MAP1B: variants seen among roughly 807,000 people sequenced by gnomAD.
MAP1B encodes microtubule-associated protein 1B.
A neutral mutation model predicts 176.1 loss-of-function variants in MAP1B; 12 were observed. The ratio of observed to expected loss-of-function variants is 0.07; its 90% CI spans 0.04 to 0.11. The LOEUF (loss-of-function observed/expected upper bound fraction) is 0.11, where lower values mean the gene tolerates loss of function less well. MAP1B is among the 10% of genes least tolerant of loss of function. MAP1B has a pLI of 1.00. For synonymous variants in MAP1B, 1,044 were observed against 1,135.0 expected (o/e 0.92, Z 1.61); for missense variants, 2,523 against 2,990.5 (o/e 0.84, Z 3.65).
In MAP1B at chr5:72,205,505, A is replaced by G. The variant is rs977053980; in HGVS notation, c.*266A>G. ...CATCTCTGCTGAACATTTGGAAACC[A>G]TGCACTAGCCAACCCAACTGACTTC... On this transcript the variant is annotated 3_prime_UTR_variant, in exon 7 of 7. Transcript: ENST00000296755. 3 of 375,090 alleles carry G rather than the reference A, an allele frequency of 8.0e-6. No individual in the cohort carries two copies. The highest frequency in any genetic ancestry group is 1.5e-5 in the Non-Finnish European group (3 of 205,198). 23.2% of individuals were successfully genotyped at this position (375,090 alleles called of 1,614,324 possible). A position where few individuals can be genotyped will look rare whatever the true frequency, so the allele number is the denominator to read the frequency against.
At chr5:72,141,825 T>C (rs868295419) in intron 2 of MAP1B, among the ~76,000 whole-genome samples, 5 of 152,176 alleles carry the variant, frequency 3.3e-5, no homozygotes, top group African/African-American at 7.2e-5. Context: ...TTAAAAAAGA[T>C]AGAGAAAATA....
chr5:72,176,479 A>G (rs1746656659), intron 2 of MAP1B, among the ~76,000 whole-genome samples: 1 of 152,216 alleles, frequency 6.6e-6, no homozygotes, highest in Admixed American at 6.5e-5. Context: ...TCGTCCATGA[A>G]GAGAAGATAA....
chr5:72,110,306 A>G (rs1745304912), intron 1 of MAP1B, among the ~76,000 whole-genome samples: 1 of 152,182 alleles, frequency 6.6e-6, no homozygotes, highest in Non-Finnish European at 1.5e-5. Context: ...AAATGACTGT[A>G]TTGATCCCAT....
chr5:72,116,104 AAGAG>A, intron 2 of MAP1B: 1 of 331,856 alleles, frequency 3.0e-6, no homozygotes, highest in Non-Finnish European at 5.8e-6. Flanking sequence ...GGGCTTGAGA[AAGAG>A]AGAGAGAGAA....
chr5:72,187,783 T>C (rs1746940425), intron 4 of MAP1B, among the ~76,000 whole-genome samples: 1 of 152,172 alleles, frequency 6.6e-6, no homozygotes, highest in Non-Finnish European at 1.5e-5. Context: ...TTCATCTGAG[T>C]CACCTGGAGG....
chr5:72,182,839 G>A (rs1260481181), intron 2 of MAP1B, among the ~76,000 whole-genome samples: 1 of 152,102 alleles, frequency 6.6e-6, no homozygotes, highest in South Asian at 2.1e-4. Context: ...CCACTTCCCT[G>A]TCCTTAGCAG....
intron 2 of MAP1B, among the ~76,000 whole-genome samples, chr5:72,121,474 C>T (rs1745529272): frequency 6.6e-6 from 1 of 152,154 alleles, no homozygotes; most frequent in African/African-American, 2.4e-5. Flanking sequence ...GAACCGATGC[C>T]TTTTTCCTAG....
At chr5:72,151,688 G>A (rs566971736) in intron 2 of MAP1B, among the ~76,000 whole-genome samples, 2 of 152,292 alleles carry the variant, frequency 1.3e-5, no homozygotes, top group South Asian at 2.1e-4. Context: ...AAGAAAAACT[G>A]TCTCTGTGAG....
intron 2 of MAP1B, among the ~76,000 whole-genome samples, chr5:72,160,248 A>T (rs924155200): frequency 9.9e-5 from 15 of 152,058 alleles, no homozygotes; most frequent in African/African-American, 3.6e-4. Context: ...AACCAAAAAA[A>T]CTTTCTGTAT....
chr5:72,151,622 T>C (rs1193268522), intron 2 of MAP1B, among the ~76,000 whole-genome samples: 1 of 152,216 alleles, frequency 6.6e-6, no homozygotes, highest in East Asian at 1.9e-4. Flanking sequence ...ATTTGTGGCA[T>C]CCATATTGTC....
Position 72,205,568 on chromosome 5 carries a change from C to A in MAP1B, c.*329C>A. On this transcript the variant is annotated 3_prime_UTR_variant, in exon 7 of 7. Transcript: ENST00000296755. ...GCATTTGTCTTAGAGAGAGAGAGAGCGCGGGAGAGAGTGAGAGAGAGTGAG... is the reference window on the plus strand; with the variant it reads ...GCATTTGTCTTAGAGAGAGAGAGAGAGCGGGAGAGAGTGAGAGAGAGTGAG... 25 of 204,702 alleles carry A rather than the reference C, an allele frequency of 1.2e-4. No homozygotes were observed. The highest frequency in any genetic ancestry group is 2.0e-3 in the Middle Eastern group (1 of 496). The allele number at this position is 204,702 out of a possible 1,614,324, so 12.7% of individuals were successfully genotyped here. A position where few individuals can be genotyped will look rare whatever the true frequency, so the allele number is the denominator to read the frequency against.
rs989734087 is a variant in MAP1B, at chr5:72,198,294, A to G, written c.4939A>G (p.Ile1647Val). 2.5e-6 allele frequency: 4 copies of G among 1,614,202 alleles called. No individual in the cohort carries two copies. Among genetic ancestry groups the G allele is most frequent in the Admixed American group, 1.7e-5 (1 of 60,022 alleles). Reference protein sequence around the residue: ...DHRSEQSSMSIEFGQESPEQS... With the variant: ...DHRSEQSSMSVEFGQESPEQS... Reference sequence around the variant, plus strand: ...CAGATCTGAACAGTCCTCAATGTCTATTGAATTTGGCCAAGAATCTCCTGA... The same window carrying G: ...CAGATCTGAACAGTCCTCAATGTCTGTTGAATTTGGCCAAGAATCTCCTGA... Residue 1647 changes from isoleucine to valine, a missense_variant, in exon 5 of 7, where the codon ATT becomes GTT. Physicochemically the swap from Ile to Val is conservative, Grantham distance 29. This residue lies in a region of MAP1B where 1,925 missense variants were observed against 2,126.0 expected (regional missense o/e 0.91). Coordinates refer to ENST00000296755, the MANE Select transcript of MAP1B (RefSeq NM_005909.5).
In MAP1B at chr5:72,200,191, A is replaced by C; in HGVS notation, c.6836A>C (p.Glu2279Ala). 6.2e-7 allele frequency: 1 copy of C among 1,614,250 alleles called. No homozygotes were observed. Residue 2279 changes from glutamate to alanine, a missense_variant, in exon 5 of 7, where the codon GAA (glutamate) becomes GCA (alanine). By Grantham distance (107) the Glu-to-Ala change is moderately radical. This residue lies in a region of MAP1B where 287 missense variants were observed against 401.5 expected (regional missense o/e 0.71). Transcript: ENST00000296755. ...TCACCAAAACCAGCGGGCTTGAAAG[A>C]ATCCTCGGATAAAGTGTCCAGGGTG... ...AASPKPAGLK[E>A]SSDKVSRVAS...
intron 1 of MAP1B, among the ~76,000 whole-genome samples, chr5:72,115,175 A>G (rs1745410189): frequency 6.6e-6 from 1 of 152,116 alleles, no homozygotes; most frequent in African/African-American, 2.4e-5. Flanking sequence ...CAAAAACGGG[A>G]TTGGTAAAGG....
intron 2 of MAP1B, among the ~76,000 whole-genome samples, chr5:72,171,818 G>C (rs749464555): frequency 1.8e-4 from 27 of 152,154 alleles, no homozygotes; most frequent in Non-Finnish European, 3.8e-4. Context: ...TGGGAACCGG[G>C]TGTGCTGTTC....
rs1165067745 is a variant in MAP1B at position 72,193,987 on chromosome 5, A to G, written c.632A>G (p.Asn211Ser). Reference protein sequence around the residue: ...LDRHNLQDFINIKLNSASILP... With the variant: ...LDRHNLQDFISIKLNSASILP... ...AGACACAATCTCCAAGACTTCATCA[A>G]TATTAAACTCAATTCAGCTTCTATC... Residue 211 changes from asparagine to serine, a missense_variant, in exon 5 of 7, where the codon AAT (asparagine) becomes AGT (serine). This residue lies in a region of MAP1B where 307 missense variants were observed against 438.4 expected (regional missense o/e 0.70). Coordinates refer to ENST00000296755, the MANE Select transcript of MAP1B (RefSeq NM_005909.5). 1.2e-6 allele frequency: 2 copies of G among 1,614,122 alleles called. No individual in the cohort carries two copies. The highest frequency in any genetic ancestry group is 1.7e-6 in the Non-Finnish European group (2 of 1,180,048).
chr5:72,200,082 A>G lies in MAP1B; in HGVS notation c.6727A>G (p.Thr2243Ala). Reference sequence around the variant, plus strand: ...TCTAAAGAAAGATCTGAAAGAGAAGACCAAAACCAAAAAGCCAGGTACAAA... The same window carrying G: ...TCTAAAGAAAGATCTGAAAGAGAAGGCCAAAACCAAAAAGCCAGGTACAAA... The part of the protein sequence containing the change: ...KALKKDLKEK[T>A]KTKKPGTKTK... Residue 2243 changes from threonine (T) to alanine (A), a missense_variant, in exon 5 of 7, where the codon ACC (threonine) becomes GCC (alanine). Around this residue, in one of 4 missense-constraint regions of MAP1B, gnomAD observed 287 missense variants for 401.5 expected, o/e 0.71. Transcript: ENST00000296755. The G allele has an allele frequency of 6.2e-7, 1 of 1,614,216 alleles. No homozygotes were observed. Among genetic ancestry groups the G allele is most frequent in the Non-Finnish European group, 8.5e-7 (1 of 1,180,046 alleles).
chr5:72,178,007 A>AT (rs1265078215), intron 2 of MAP1B, among the ~76,000 whole-genome samples: 1 of 145,828 alleles, frequency 6.9e-6, no homozygotes, highest in African/African-American at 2.6e-5. Context: ...AAGAGACTTC[A>AT]TTTTTTATTT....
At chr5:72,168,382 C>T (rs764357013) in intron 2 of MAP1B, among the ~76,000 whole-genome samples, 9 of 152,204 alleles carry the variant, frequency 5.9e-5, no homozygotes, top group African/African-American at 9.6e-5. Context: ...TTTACAGAGA[C>T]AAAATATGCT....
Sources: allele counts gnomAD v4.1 joint callset (sites outside exome capture counted in the v4.1 genomes callset), GRCh38; gene constraint gnomAD v4.1.1; regional missense constraint gnomAD v4.1.1; transcripts MANE v1.5; gene names NCBI Gene and HGNC (gene_info 2026-07-23, HGNC 2026-07-21).